Variants in DRC11 observed in about 807,000 individuals in gnomAD.
DRC11 encodes dynein regulatory complex subunit 11.
the DRC11 span, among the ~76,000 whole-genome samples, chr2:236,460,438 G>A: frequency 3.2e-3 from 485 of 152,224 alleles, 4 homozygotes; most frequent in African/African-American, 0.011. The surrounding 1 kb of genome is among the most constrained non-coding windows in gnomAD (Gnocchi z 4.0). Context: ...TCACATCCAC[G>A]GCCAGCCCCG....
the DRC11 span, among the ~76,000 whole-genome samples, chr2:236,499,233 G>A: frequency 6.6e-6 from 1 of 152,130 alleles, no homozygotes; most frequent in Non-Finnish European, 1.5e-5. This position sits in a 1 kb window ranked among gnomAD's most constrained non-coding sequence, Gnocchi z 4.7. Flanking sequence ...CAAGTGATTG[G>A]CGGCCTAAAT....
At chr2:236,478,005 TTGTGTG>T in the DRC11 span, among the ~76,000 whole-genome samples, 46 of 146,898 alleles carry the variant, frequency 3.1e-4, no homozygotes, top group Non-Finnish European at 2.2e-4. This position sits in a 1 kb window ranked among gnomAD's most constrained non-coding sequence, Gnocchi z 5.9. Flanking sequence ...TTTTGTTGAT[TTGTGTG>T]TGTGTGTGTG....
the DRC11 span, among the ~76,000 whole-genome samples, chr2:236,417,243 C>T: frequency 6.6e-6 from 1 of 152,088 alleles, no homozygotes; most frequent in African/African-American, 2.4e-5. Context: ...TTACCATTAC[C>T]CTCTCTCCCT....
the DRC11 span, among the ~76,000 whole-genome samples, chr2:236,466,333 A>G: frequency 5.1e-4 from 78 of 152,350 alleles, no homozygotes; most frequent in African/African-American, 1.6e-3. Flanking sequence ...CTCTCGTTTT[A>G]TAATATCATA....
At chr2:236,306,951 G>T in the DRC11 span, among the ~76,000 whole-genome samples, 1 of 152,076 alleles carries the variant, frequency 6.6e-6, no homozygotes, top group Non-Finnish European at 1.5e-5. This position sits in a 1 kb window ranked among gnomAD's most constrained non-coding sequence, Gnocchi z 5.9. Context: ...ATCCTCTCCC[G>T]TTCTACACCC....
the DRC11 span, among the ~76,000 whole-genome samples, chr2:236,365,405 G>T: frequency 6.6e-6 from 1 of 152,060 alleles, no homozygotes; most frequent in South Asian, 2.1e-4. This position sits in a 1 kb window ranked among gnomAD's most constrained non-coding sequence, Gnocchi z 7.4. Context: ...CGGTGAGGGG[G>T]GTGTGTGGGC....
chr2:236,347,899 G>A, the DRC11 span, among the ~76,000 whole-genome samples: 7 of 151,836 alleles, frequency 4.6e-5, no homozygotes, highest in African/African-American at 1.7e-4. Context: ...TCAATGAGTA[G>A]GTTATTAACT....
At chr2:236,387,918 T>C in the DRC11 span, among the ~76,000 whole-genome samples, 1 of 152,278 alleles carries the variant, frequency 6.6e-6, no homozygotes, top group Non-Finnish European at 1.5e-5. Flanking sequence ...CCTTCACTTA[T>C]GAAGCTTAGT....
the DRC11 span, among the ~76,000 whole-genome samples, chr2:236,413,558 T>G: frequency 1.3e-5 from 2 of 152,198 alleles, no homozygotes; most frequent in East Asian, 1.9e-4. The surrounding 1 kb of genome is among the most constrained non-coding windows in gnomAD (Gnocchi z 4.0). Context: ...ATGGTTCAAT[T>G]TGGAGCACCT....
At chr2:236,311,018 T>C in the DRC11 span, among the ~76,000 whole-genome samples, 1 of 152,228 alleles carries the variant, frequency 6.6e-6, no homozygotes, top group African/African-American at 2.4e-5. This position sits in a 1 kb window ranked among gnomAD's most constrained non-coding sequence, Gnocchi z 6.9. Flanking sequence ...TCATGCCTGC[T>C]CTGGCTGTTT....
the DRC11 span, among the ~76,000 whole-genome samples, chr2:236,363,306 T>C: frequency 2.0e-5 from 3 of 152,220 alleles, no homozygotes; most frequent in African/African-American, 7.2e-5. This position sits in a 1 kb window ranked among gnomAD's most constrained non-coding sequence, Gnocchi z 5.6. Flanking sequence ...TCCTGTGATA[T>C]CAGCACGTCT....
At chr2:236,386,888 A>C in the DRC11 span, among the ~76,000 whole-genome samples, 3 of 146,836 alleles carry the variant, frequency 2.0e-5, no homozygotes, top group Non-Finnish European at 4.5e-5. Context: ...GTTTCAAAGA[A>C]CATCTTTATT....
chr2:236,451,826 C>T, the DRC11 span, among the ~76,000 whole-genome samples: 3 of 152,222 alleles, frequency 2.0e-5, no homozygotes, highest in African/African-American at 4.8e-5. Context: ...GTTAGCTGTG[C>T]GATTTGGGCA....
the DRC11 span, among the ~76,000 whole-genome samples, chr2:236,440,133 G>A: frequency 6.6e-6 from 1 of 152,186 alleles, no homozygotes; most frequent in Non-Finnish European, 1.5e-5. Flanking sequence ...GCATGCACAT[G>A]AATGTTATGA....
the DRC11 span, among the ~76,000 whole-genome samples, chr2:236,315,948 C>T: frequency 1.3e-5 from 2 of 152,128 alleles, no homozygotes; most frequent in Admixed American, 1.3e-4. This position sits in a 1 kb window ranked among gnomAD's most constrained non-coding sequence, Gnocchi z 5.1. Flanking sequence ...CCATGGCACA[C>T]ATTTACCTAT....
the DRC11 span, among the ~76,000 whole-genome samples, chr2:236,502,085 TGAC>T: frequency 6.6e-6 from 1 of 152,108 alleles, no homozygotes; most frequent in African/African-American, 2.4e-5. Flanking sequence ...AAAAAAAGAA[TGAC>T]GACTTCTTCA....
the DRC11 span, among the ~76,000 whole-genome samples, chr2:236,356,984 T>TCA: frequency 2.7e-5 from 3 of 110,234 alleles, no homozygotes; most frequent in Non-Finnish European, 3.8e-5. Context: ...TATTCATATA[T>TCA]TATATATCTA....
the DRC11 span, chr2:236,503,613 G>A: frequency 6.3e-5 from 98 of 1,547,324 alleles, no homozygotes; most frequent in East Asian, 1.9e-3. This position sits in a 1 kb window ranked among gnomAD's most constrained non-coding sequence, Gnocchi z 4.9. Flanking sequence ...GAAAGCACAC[G>A]GATCCCTGCA....
chr2:236,307,326 G>T, the DRC11 span, among the ~76,000 whole-genome samples: 357 of 152,262 alleles, frequency 2.3e-3, 2 homozygotes, highest in African/African-American at 8.4e-3. This position sits in a 1 kb window ranked among gnomAD's most constrained non-coding sequence, Gnocchi z 7.0. Context: ...TTAGAGGCCC[G>T]CGGGAAGGGG....
Sources: allele counts gnomAD v4.1 joint callset (sites outside exome capture counted in the v4.1 genomes callset), GRCh38; gene constraint gnomAD v4.1.1; non-coding constraint Gnocchi (gnomAD v3.1); transcripts MANE v1.5; gene names NCBI Gene and HGNC (gene_info 2026-07-23, HGNC 2026-07-21).